The following ANO10 variants were observed in gnomAD, a reference collection of about 807,000 sequenced individuals.
ANO10 encodes the protein anoctamin-10.
In ANO10, 77 loss-of-function variants were observed where a neutral mutation model predicts 74.7. The ratio of observed to expected loss-of-function variants is 1.03; its 90% CI spans 0.86 to 1.25. ANO10 has a LOEUF of 1.25. Among genes scored for constraint, ANO10 ranks in the 50% most tolerant of loss-of-function variants. The pLI is 0.00. For synonymous variants in ANO10, 279 were observed against 284.9 expected (o/e 0.98, Z 0.21); for missense variants, 721 against 778.1 (o/e 0.93, Z 0.87).
intron 11 of ANO10, among the ~76,000 whole-genome samples, chr3:43,504,140 C>T (rs1269782824): frequency 6.6e-6 from 1 of 151,968 alleles, no homozygotes; most frequent in Non-Finnish European, 1.5e-5. Context: ...CGGTGGCGGA[C>T]ACCTGTAATC....
At chr3:43,579,999 G>A (rs575104341) in intron 5 of ANO10, among the ~76,000 whole-genome samples, 4 of 151,886 alleles carry the variant, frequency 2.6e-5, no homozygotes, top group African/African-American at 9.7e-5. Flanking sequence ...CAAAAAATTA[G>A]CTGGGGATGG....
intron 11 of ANO10, among the ~76,000 whole-genome samples, chr3:43,441,160 A>G (rs925857151): frequency 6.6e-6 from 1 of 151,914 alleles, no homozygotes; most frequent in African/African-American, 2.4e-5. Flanking sequence ...AACTAAAGTT[A>G]GCAGAAGAAA....
At chr3:43,410,959 G>C (rs182719010) in intron 12 of ANO10, among the ~76,000 whole-genome samples, 14 of 151,936 alleles carry the variant, frequency 9.2e-5, no homozygotes, top group African/African-American at 3.4e-4. Flanking sequence ...CTGGTAACAT[G>C]GCAAGCAGAA....
chr3:43,691,053 G>A, intron 1 of ANO10: 1 of 1,545,826 alleles, frequency 6.5e-7, no homozygotes, highest in Non-Finnish European at 8.7e-7. Context: ...AGCGCAGCCG[G>A]CAGGGGGCTT....
At chr3:43,504,944 G>C (rs765903338) in intron 11 of ANO10, among the ~76,000 whole-genome samples, 2 of 152,056 alleles carry the variant, frequency 1.3e-5, no homozygotes, top group Non-Finnish European at 2.9e-5. Flanking sequence ...CCAGCAGAAA[G>C]AAAATTATTC....
intron 11 of ANO10, among the ~76,000 whole-genome samples, chr3:43,538,389 A>G (rs1187674574): frequency 2.0e-5 from 3 of 152,244 alleles, no homozygotes; most frequent in African/African-American, 7.2e-5. Flanking sequence ...AGCTCTTCCA[A>G]AAGAAGGGTG....
Position 43,654,379 on chromosome 3 carries a change from A to C in ANO10, c.-12+37138T>G, listed in dbSNP as rs368897205. Reference sequence around the variant, plus strand: ...CAGACACTATAGTTTTTTGATGGGGATAGAATTCAGAGGGTATATAATCTT... The same window carrying C: ...CAGACACTATAGTTTTTTGATGGGGCTAGAATTCAGAGGGTATATAATCTT... On this transcript the variant is annotated intron_variant, in intron 1 of 3. Coordinates refer to the ANO10 transcript ENST00000413397. Among the ~76,000 whole-genome samples the C allele has an allele frequency of 1.2e-4, 19 of 152,156 alleles. No homozygotes were observed. In the East Asian group the frequency reaches 2.9e-3, roughly 23 times the overall value.
At chr3:43,685,072 A>G (rs1189010877) in intron 1 of ANO10, among the ~76,000 whole-genome samples, 1 of 152,248 alleles carries the variant, frequency 6.6e-6, no homozygotes, top group African/African-American at 2.4e-5. Flanking sequence ...CCTAAAACTT[A>G]AAGTATAATA....
chr3:43,422,219 C>T (rs1371428110), intron 12 of ANO10, among the ~76,000 whole-genome samples: 3 of 152,062 alleles, frequency 2.0e-5, no homozygotes, highest in East Asian at 1.9e-4. Context: ...CGGGTTCAAG[C>T]GACTCTCCTG....
intron 1 of ANO10, among the ~76,000 whole-genome samples, chr3:43,647,867 A>C (rs1368611310): frequency 6.6e-6 from 1 of 152,190 alleles, no homozygotes; most frequent in Non-Finnish European, 1.5e-5. Context: ...CTCAGAATTC[A>C]TAGGTTTATG....
At chr3:43,520,580 A>G (rs1398830494) in intron 11 of ANO10, among the ~76,000 whole-genome samples, 2 of 152,192 alleles carry the variant, frequency 1.3e-5, no homozygotes, top group African/African-American at 4.8e-5. Context: ...TAAAATGTGA[A>G]GGTTGATTTC....
chr3:43,463,220 G>C (rs569187986), intron 11 of ANO10, among the ~76,000 whole-genome samples: 1 of 152,316 alleles, frequency 6.6e-6, no homozygotes, highest in South Asian at 2.1e-4. Context: ...ACCTGGAAAA[G>C]CTGCAGACAC....
At chr3:43,631,610 A>T (rs563704295) in intron 1 of ANO10, among the ~76,000 whole-genome samples, 22 of 152,166 alleles carry the variant, frequency 1.4e-4, no homozygotes, top group African/African-American at 4.6e-4. Context: ...TTTGTTTAAA[A>T]ATATTCTCAT....
upstream of ANO10, among the ~76,000 whole-genome samples, chr3:43,624,812 A>C (rs527259045): frequency 3.3e-5 from 5 of 152,272 alleles, no homozygotes; most frequent in African/African-American, 4.8e-5. Context: ...CGGAGATTTC[A>C]TCACGATACT....
intron 4 of ANO10, among the ~76,000 whole-genome samples, chr3:43,596,376 C>T (rs1370348235): frequency 6.6e-6 from 1 of 152,186 alleles, no homozygotes; most frequent in Non-Finnish European, 1.5e-5. Flanking sequence ...TACAAAGCTA[C>T]AGTAACCAAA....
chr3:43,409,503 C>A (rs1327523155), intron 12 of ANO10, among the ~76,000 whole-genome samples: 1 of 152,058 alleles, frequency 6.6e-6, no homozygotes, highest in East Asian at 1.9e-4. Context: ...AAGACTGCCC[C>A]ACTGTACTCC....
intron 1 of ANO10, among the ~76,000 whole-genome samples, chr3:43,614,975 C>T (rs1205670916): frequency 6.6e-6 from 1 of 150,620 alleles, no homozygotes; most frequent in Non-Finnish European, 1.5e-5. Context: ...TACAATAGAA[C>T]CATTAATACT....
intron 11 of ANO10, among the ~76,000 whole-genome samples, chr3:43,486,886 T>C (rs1448917472): frequency 6.9e-6 from 1 of 144,212 alleles, no homozygotes; most frequent in African/African-American, 2.6e-5. Flanking sequence ...TGTGCCAGTT[T>C]TCAAAGGGAA....
Position 43,427,522 on chromosome 3 carries a change from A to G in ANO10, c.1914+5089T>C, listed in dbSNP as rs182949615. Among the ~76,000 whole-genome samples the G allele has an allele frequency of 1.2e-3, 188 of 152,362 alleles. 2 individuals are homozygous for G. Among genetic ancestry groups the G allele is most frequent in the Non-Finnish European group, 2.4e-3 (160 of 68,040 alleles). On this transcript the variant is annotated intron_variant, in intron 12 of 12. Coordinates refer to ENST00000292246, the MANE Select transcript of ANO10 (RefSeq NM_018075.5). ...GTAGCAATTAAGGTATAAATTAAACATAATAACTATCCATAAGTAATAATT... is the reference window on the plus strand; with the variant it reads ...GTAGCAATTAAGGTATAAATTAAACGTAATAACTATCCATAAGTAATAATT...
Sources: gnomAD v4.1 joint callset for allele counts (sites outside exome capture counted in the v4.1 genomes callset) on GRCh38, gnomAD v4.1.1 for gene constraint, MANE v1.5 for transcripts, NCBI Gene and HGNC (gene_info 2026-07-23, HGNC 2026-07-21) for gene names.